Variants in CDH8 observed in about 807,000 individuals in gnomAD.
The protein encoded by CDH8 is cadherin 8, also known as cadherin-8.
In CDH8, 17 loss-of-function variants were observed where a neutral mutation model predicts 68.1. That is an observed-to-expected ratio of 0.25 (90% CI 0.17 to 0.37). CDH8 has a LOEUF of 0.37. Among genes scored for constraint, CDH8 ranks in the 10% least tolerant of loss-of-function variants. The pLI is 1.00. For missense variants in CDH8, 763 were observed against 999.3 expected, an observed-to-expected ratio of 0.76 and a Z score of 3.19; for synonymous variants, 372 against 365.1, an observed-to-expected ratio of 1.02 and a Z score of -0.21.
intron 7 of CDH8, among the ~76,000 whole-genome samples, chr16:61,810,152 T>C (rs747954913): frequency 6.6e-6 from 1 of 152,306 alleles, no homozygotes. Context: ...ACCCCTTAGT[T>C]ATGAATCAGT....
chr16:61,975,459 G>A (rs1965419183), intron 2 of CDH8, among the ~76,000 whole-genome samples: 1 of 152,132 alleles, frequency 6.6e-6, no homozygotes, highest in Non-Finnish European at 1.5e-5. Flanking sequence ...TTTCATTTAG[G>A]AGGTCTAGTG....
intron 2 of CDH8, among the ~76,000 whole-genome samples, chr16:61,992,836 T>A (rs1302946669): frequency 6.6e-6 from 1 of 152,172 alleles, no homozygotes; most frequent in Non-Finnish European, 1.5e-5. Flanking sequence ...TTGTCCGGGC[T>A]GGAGTGCAGT....
At chr16:61,683,996 A>C (rs1286333475) in intron 10 of CDH8, among the ~76,000 whole-genome samples, 2 of 152,046 alleles carry the variant, frequency 1.3e-5, no homozygotes, top group African/African-American at 4.8e-5. Context: ...AAGACAGAAC[A>C]CAGACATTTT....
intron 2 of CDH8, among the ~76,000 whole-genome samples, chr16:61,979,991 ATCCAC>A (rs1206301663): frequency 6.6e-6 from 1 of 152,174 alleles, no homozygotes; most frequent in African/African-American, 2.4e-5. Context: ...GCTAAATTTG[ATCCAC>A]TCCAGTCAGA....
chr16:61,867,238 A>G (rs1390050845), intron 3 of CDH8, among the ~76,000 whole-genome samples: 1 of 152,222 alleles, frequency 6.6e-6, no homozygotes, highest in African/African-American at 2.4e-5. Flanking sequence ...CATCAATGAC[A>G]TAGCTAAAAT....
chr16:61,966,757 G>A (rs1384699979), intron 2 of CDH8, among the ~76,000 whole-genome samples: 2 of 152,110 alleles, frequency 1.3e-5, no homozygotes, highest in Non-Finnish European at 2.9e-5. Context: ...TAAACAATGA[G>A]CAATTTTTAA....
intron 10 of CDH8, among the ~76,000 whole-genome samples, chr16:61,663,804 C>G (rs1315117308): frequency 6.6e-6 from 1 of 151,028 alleles, no homozygotes; most frequent in Non-Finnish European, 1.5e-5. Flanking sequence ...ATTGAGTAAA[C>G]ACATTATTCT....
chr16:61,738,250 C>T (rs1387032117), intron 8 of CDH8, among the ~76,000 whole-genome samples: 3 of 152,124 alleles, frequency 2.0e-5, no homozygotes. Flanking sequence ...AAAAAGCATG[C>T]TATCTTGCTA....
At position 61,926,839 on chromosome 16, in the gene CDH8, A is replaced by T. The variant is rs564951321; in HGVS notation, c.253-25366T>A. On this transcript the variant is annotated intron_variant, in intron 2 of 11. Transcript: ENST00000577390. ...GGTTTGGGAGGAAAAATGGATACAA[A>T]GGGTCTCATTTAAGATATTATGTAC... 2.0e-4 allele frequency among the ~76,000 whole-genome samples: 30 copies of T among 152,258 alleles called. No homozygotes were observed. In the Middle Eastern group the frequency reaches 0.014, roughly 69 times the overall value.
At chr16:61,906,667 A>C (rs757443821) in intron 2 of CDH8, among the ~76,000 whole-genome samples, 2 of 152,244 alleles carry the variant, frequency 1.3e-5, no homozygotes, top group Non-Finnish European at 2.9e-5. Flanking sequence ...GGTATCTGGC[A>C]TATTGTTGGA....
chr16:61,923,001 G>A (rs1007805541), intron 2 of CDH8, among the ~76,000 whole-genome samples: 3 of 152,084 alleles, frequency 2.0e-5, no homozygotes, highest in African/African-American at 7.2e-5. Flanking sequence ...TTTTCCTTAT[G>A]CTAAAACCAT....
intron 10 of CDH8, among the ~76,000 whole-genome samples, chr16:61,697,403 C>T (rs983788613): frequency 3.9e-5 from 6 of 152,108 alleles, no homozygotes; most frequent in African/African-American, 1.4e-4. Context: ...TAGACCCTTA[C>T]CCAGGAATTG....
intron 10 of CDH8, among the ~76,000 whole-genome samples, chr16:61,674,208 T>C (rs1249468664): frequency 6.6e-6 from 1 of 151,916 alleles, no homozygotes; most frequent in South Asian, 2.1e-4. Flanking sequence ...AAAATAAGCC[T>C]CTTTGGGAGG....
At chr16:61,723,281 G>A (rs951428867) in intron 9 of CDH8, among the ~76,000 whole-genome samples, 1 of 150,658 alleles carries the variant, frequency 6.6e-6, no homozygotes. Context: ...CTTCGTGTTT[G>A]GTTCTGAGTG....
chr16:61,909,472 A>G lies in CDH8; in HGVS notation c.253-7999T>C, dbSNP rs140144807. 1.3e-3 allele frequency among the ~76,000 whole-genome samples: 192 copies of G among 152,330 alleles called. 2 individuals are homozygous for G. The highest frequency in any genetic ancestry group is 3.5e-3 in the African/African-American group (146 of 41,586). The stretch of plus-strand genomic sequence containing the variant: ...CTAACTTTTTGTCTCCATAAGACAT[A>G]TCTCAATACCCTACACCTTGTCGGT... On this transcript the variant is annotated intron_variant, in intron 2 of 11. Coordinates refer to ENST00000577390, the MANE Select transcript of CDH8 (RefSeq NM_001796.5).
chr16:61,758,226 C>A (rs528621421), intron 8 of CDH8, among the ~76,000 whole-genome samples: 2 of 151,930 alleles, frequency 1.3e-5, no homozygotes, highest in Admixed American at 1.3e-4. Context: ...ACCATGACAC[C>A]TTTGAGTCAT....
chr16:61,825,137 T>C lies in CDH8; in HGVS notation c.710A>G (p.Lys237Arg). ...TTGGATAACAACCAGGTACTCCTCC[T>C]TGGCTTCTCTGTCCATGTTGGGAAG... ...TALPNMDREA[K>R]EEYLVVIQAK... is the part of the protein sequence containing the mutation. The change falls in exon 5 of 12, where the codon AAG becomes AGG. Residue 237 changes from lysine (K) to arginine (R), a missense_variant. Lys to Arg is a conservative substitution (Grantham distance 26). Coordinates refer to ENST00000577390, the MANE Select transcript of CDH8 (RefSeq NM_001796.5). 6.2e-7 allele frequency: 1 copy of C among 1,611,530 alleles called. No homozygotes were observed. The highest frequency in any genetic ancestry group is 8.5e-7 in the Non-Finnish European group (1 of 1,178,558).
intron 2 of CDH8, among the ~76,000 whole-genome samples, chr16:61,938,297 C>T (rs1964658789): frequency 6.6e-6 from 1 of 152,120 alleles, no homozygotes; most frequent in Non-Finnish European, 1.5e-5. Context: ...TTTCCATGTT[C>T]TTACTCTCAT....
chr16:61,836,827 T>C (rs1311678702), intron 4 of CDH8, among the ~76,000 whole-genome samples: 1 of 151,972 alleles, frequency 6.6e-6, no homozygotes, highest in African/African-American at 2.4e-5. Flanking sequence ...TTATAAAACA[T>C]TGAGATATAC....
Sources: allele counts gnomAD v4.1 joint callset (sites outside exome capture counted in the v4.1 genomes callset), GRCh38; gene constraint gnomAD v4.1.1; transcripts MANE v1.5; gene names NCBI Gene and HGNC (gene_info 2026-07-23, HGNC 2026-07-21).